ITGA8: variants seen among roughly 807,000 people sequenced by gnomAD.
ITGA8 encodes integrin alpha-8.
In ITGA8, 91 loss-of-function variants were observed where a neutral mutation model predicts 142.3. That is an observed-to-expected ratio of 0.64 (90% CI 0.54 to 0.76). The LOEUF (loss-of-function observed/expected upper bound fraction) is 0.76, where lower values mean the gene tolerates loss of function less well. ITGA8 is among the 30% of genes least tolerant of loss of function. The pLI, the probability that ITGA8 is intolerant of heterozygous loss-of-function variation, is 0.00. For missense variants in ITGA8, 1,406 were observed against 1,327.7 expected, an observed-to-expected ratio of 1.06 and a Z score of -0.92; for synonymous variants, 505 against 485.2, an observed-to-expected ratio of 1.04 and a Z score of -0.54.
intron 2 of ITGA8, among the ~76,000 whole-genome samples, chr10:15,694,726 A>C (rs760550000): frequency 8.1e-5 from 6 of 73,838 alleles, no homozygotes; most frequent in Non-Finnish European, 1.7e-4. Context: ...TTTCTCTCTT[A>C]GGAACCTAGA....
intron 23 of ITGA8, among the ~76,000 whole-genome samples, chr10:15,581,007 C>T (rs1834397653): frequency 6.6e-6 from 1 of 152,178 alleles, no homozygotes; most frequent in African/African-American, 2.4e-5. Flanking sequence ...TGGCCTTTGC[C>T]CTCAGCTTCT....
intron 11 of ITGA8, among the ~76,000 whole-genome samples, chr10:15,648,927 A>G (rs1437976055): frequency 6.6e-6 from 1 of 152,240 alleles, no homozygotes; most frequent in African/African-American, 2.4e-5. Flanking sequence ...TCATATTACT[A>G]TAAACATGGC....
intron 2 of ITGA8, among the ~76,000 whole-genome samples, chr10:15,718,507 A>G (rs1835494783): frequency 4.6e-5 from 7 of 152,200 alleles, no homozygotes; most frequent in Admixed American, 4.6e-4. Context: ...TCAGAAAGGT[A>G]AAGAAACAGG....
chr10:15,676,272 C>T (rs182894132), intron 6 of ITGA8, among the ~76,000 whole-genome samples: 3 of 152,162 alleles, frequency 2.0e-5, no homozygotes, highest in Non-Finnish European at 4.4e-5. Context: ...GTTAACTTTG[C>T]GTTGCTGCTG....
chr10:15,715,582 A>T (rs1835435480), intron 2 of ITGA8, among the ~76,000 whole-genome samples: 1 of 152,166 alleles, frequency 6.6e-6, no homozygotes, highest in African/African-American at 2.4e-5. Context: ...AATGAGTTTT[A>T]CATAGTTGTT....
chr10:15,617,258 G>T (rs539219478), intron 13 of ITGA8, among the ~76,000 whole-genome samples: 16 of 152,068 alleles, frequency 1.1e-4, no homozygotes, highest in African/African-American at 3.6e-4. Flanking sequence ...ACTTAAGAAG[G>T]CTAAACTGTA....
chr10:15,552,500 T>A (rs1833809508), intron 26 of ITGA8, among the ~76,000 whole-genome samples: 1 of 152,226 alleles, frequency 6.6e-6, no homozygotes, highest in African/African-American at 2.4e-5. Flanking sequence ...TCAGAGGGAT[T>A]TTTCCCATTG....
chr10:15,671,719 G>A, intron 7 of ITGA8, 72 bp from the exon 8 acceptor site: 2 of 1,167,732 alleles, frequency 1.7e-6, no homozygotes, highest in Non-Finnish European at 2.6e-6. Context: ...CTAGAAAAAG[G>A]TGAAAGGGCT....
chr10:15,635,188 G>A (rs774277734), intron 13 of ITGA8, among the ~76,000 whole-genome samples: 3 of 151,634 alleles, frequency 2.0e-5, no homozygotes, highest in Non-Finnish European at 4.4e-5. Context: ...TGTATTTTTA[G>A]TAGAGACAGG....
chr10:15,667,261 T>C (rs1254410010), intron 8 of ITGA8, among the ~76,000 whole-genome samples: 7 of 152,160 alleles, frequency 4.6e-5, no homozygotes, highest in African/African-American at 1.7e-4. Flanking sequence ...ATGTATGTGT[T>C]GAGGAATTTA....
intron 7 of ITGA8, 70 bp from the exon 8 acceptor site, chr10:15,671,717 A>G: frequency 3.3e-6 from 4 of 1,195,360 alleles, no homozygotes; most frequent in East Asian, 2.4e-5. Flanking sequence ...ATCTAGAAAA[A>G]GGTGAAAGGG....
intron 26 of ITGA8, among the ~76,000 whole-genome samples, chr10:15,552,722 C>T (rs1833813584): frequency 6.6e-6 from 1 of 152,124 alleles, no homozygotes. Context: ...GTGTGATGTT[C>T]CCCTCCCTGT....
At chr10:15,718,639 G>C in intron 2 of ITGA8, 127 bp downstream of exon 2, 3 of 1,184,770 alleles carry the variant, frequency 2.5e-6, no homozygotes, top group Non-Finnish European at 2.4e-6. Flanking sequence ...GACCCACATA[G>C]CCCACAATAC....
intron 8 of ITGA8, among the ~76,000 whole-genome samples, chr10:15,661,931 TA>T (rs1445735164): frequency 6.6e-6 from 1 of 152,194 alleles, no homozygotes; most frequent in East Asian, 1.9e-4. Context: ...CTCCTGACAC[TA>T]AAAACAAACC....
chr10:15,628,921 C>A (rs1025637964), intron 13 of ITGA8, among the ~76,000 whole-genome samples: 1 of 151,920 alleles, frequency 6.6e-6, no homozygotes, highest in African/African-American at 2.4e-5. Flanking sequence ...TGCAAATTGT[C>A]TCTACAACAA....
chr10:15,594,919 A>T (rs1481331764), intron 21 of ITGA8, among the ~76,000 whole-genome samples: 3 of 152,228 alleles, frequency 2.0e-5, no homozygotes, highest in Admixed American at 6.5e-5. Context: ...AGCATGGGAC[A>T]AAGACCCAAT....
At chr10:15,595,112 T>C (rs1832991343) in intron 21 of ITGA8, among the ~76,000 whole-genome samples, 1 of 152,204 alleles carries the variant, frequency 6.6e-6, no homozygotes. Context: ...TATATTACTA[T>C]AGCTACTCTA....
At chr10:15,546,810 G>T (rs955668253) in intron 27 of ITGA8, among the ~76,000 whole-genome samples, 2 of 150,670 alleles carry the variant, frequency 1.3e-5, no homozygotes, top group African/African-American at 4.9e-5. Flanking sequence ...AGAAAGGAAA[G>T]AAGGAAGGGA....
At chr10:15,666,278 C>A (rs1480205615) in intron 8 of ITGA8, among the ~76,000 whole-genome samples, 1 of 152,128 alleles carries the variant, frequency 6.6e-6, no homozygotes, top group East Asian at 1.9e-4. Context: ...CTCTTTGAAG[C>A]AATTATGAAT....
Sources: gnomAD v4.1 joint callset for allele counts (sites outside exome capture counted in the v4.1 genomes callset) on GRCh38, gnomAD v4.1.1 for gene constraint, MANE v1.5 for transcripts, NCBI Gene and HGNC (gene_info 2026-07-23, HGNC 2026-07-21) for gene names.